GABRB1: variants seen among roughly 807,000 people sequenced by gnomAD.
GABRB1 encodes gamma-aminobutyric acid receptor subunit beta-1.
GABRB1 carries 17 observed loss-of-function variants against 51.6 expected under a neutral mutation model. The observed-to-expected ratio is 0.33, with a 90% CI of 0.23 to 0.49. The LOEUF (loss-of-function observed/expected upper bound fraction) is 0.49. GABRB1 is among the 20% of genes least tolerant of loss of function. The pLI is 0.99. For synonymous variants in GABRB1, 247 were observed against 218.9 expected, an observed-to-expected ratio of 1.13 and a Z score of -1.14; for missense variants, 410 against 600.6, an observed-to-expected ratio of 0.68 and a Z score of 3.32.
intron 5 of GABRB1, among the ~76,000 whole-genome samples, chr4:47,390,158 C>A (rs1560364787): frequency 6.6e-6 from 1 of 152,234 alleles, no homozygotes; most frequent in Non-Finnish European, 1.5e-5. Flanking sequence ...TATTGCCAAG[C>A]AACTAATTTG....
intron 4 of GABRB1, among the ~76,000 whole-genome samples, chr4:47,253,189 T>C (rs968952921): frequency 1.3e-5 from 2 of 152,142 alleles, no homozygotes; most frequent in Admixed American, 6.5e-5. Context: ...TATAAAGGAA[T>C]TGAGATAATG....
chr4:47,291,465 C>A lies in GABRB1; in HGVS notation c.462-28662C>A, dbSNP rs545368743. ...CACACAGAGTCCATATGGGGCACTG[C>A]CTAGTGAAGCTGTGAGAAGAGGGCC... On this transcript the variant is annotated intron_variant, in intron 4 of 8. Coordinates refer to ENST00000295454, the MANE Select transcript of GABRB1 (RefSeq NM_000812.4). Among the ~76,000 whole-genome samples, 39 of 152,280 alleles carry A rather than the reference C, an allele frequency of 2.6e-4. 1 individual carries two copies. In the South Asian group the frequency reaches 8.1e-3, roughly 32 times the overall value.
intron 4 of GABRB1, among the ~76,000 whole-genome samples, chr4:47,210,675 G>A (rs991959676): frequency 1.3e-4 from 20 of 151,020 alleles, no homozygotes; most frequent in African/African-American, 4.1e-4. Flanking sequence ...TGGCTGTATA[G>A]TATTCATTCA....
At chr4:47,305,818 G>T (rs1724446815) in intron 4 of GABRB1, among the ~76,000 whole-genome samples, 1 of 152,084 alleles carries the variant, frequency 6.6e-6, no homozygotes, top group African/African-American at 2.4e-5. Flanking sequence ...TACCTTTCCT[G>T]TTGTAACTCA....
chr4:47,013,143 G>GTA (rs1418167701), intron 1 of GABRB1, among the ~76,000 whole-genome samples: 1 of 151,484 alleles, frequency 6.6e-6, no homozygotes, highest in Non-Finnish European at 1.5e-5. Flanking sequence ...TGCATTCTGT[G>GTA]TGTGTGTGTG....
At chr4:47,173,152 A>G (rs567559345) in intron 4 of GABRB1, among the ~76,000 whole-genome samples, 31 of 152,304 alleles carry the variant, frequency 2.0e-4, no homozygotes, top group African/African-American at 6.3e-4. Flanking sequence ...AAAGTTGTAT[A>G]AAGTTGCTTA....
chr4:47,008,306 T>C (rs565996864), intron 1 of GABRB1, among the ~76,000 whole-genome samples: 3 of 152,182 alleles, frequency 2.0e-5, no homozygotes, highest in African/African-American at 7.2e-5. Context: ...ACCTAAAATA[T>C]ACATTTGAAA....
At chr4:47,299,116 G>A (rs1452766793) in intron 4 of GABRB1, among the ~76,000 whole-genome samples, 1 of 151,782 alleles carries the variant, frequency 6.6e-6, no homozygotes, top group East Asian at 1.9e-4. Context: ...TTAAATGTTA[G>A]ACCTAAAACC....
At chr4:47,147,547 G>A (rs756770517) in intron 3 of GABRB1, among the ~76,000 whole-genome samples, 1 of 152,072 alleles carries the variant, frequency 6.6e-6, no homozygotes, top group East Asian at 1.9e-4. Flanking sequence ...AGGTTCTAGT[G>A]GAGGAAATAA....
intron 3 of GABRB1, among the ~76,000 whole-genome samples, chr4:47,124,083 A>G (rs1426938031): frequency 6.7e-6 from 1 of 148,794 alleles, no homozygotes; most frequent in African/African-American, 2.5e-5. Context: ...GCAGTCATAA[A>G]GGCCTCAGAT....
chr4:47,110,394 T>C (rs1173427317), intron 3 of GABRB1, among the ~76,000 whole-genome samples: 1 of 152,230 alleles, frequency 6.6e-6, no homozygotes, highest in Non-Finnish European at 1.5e-5. Context: ...TATGCTATCT[T>C]TTCTTTTTGT....
intron 8 of GABRB1, among the ~76,000 whole-genome samples, 194 bp from the exon 9 acceptor site, chr4:47,425,480 T>TGATAGATAGATA (rs3138735): frequency 0.11 from 15,665 of 142,238 alleles, 962 homozygotes; most frequent in Middle Eastern, 0.15. Context: ...TGGATGATGA[T>TGATAGATAGATA]GATAGATAGA....
intron 1 of GABRB1, among the ~76,000 whole-genome samples, chr4:47,004,844 G>T (rs948413814): frequency 6.6e-6 from 1 of 152,146 alleles, no homozygotes; most frequent in African/African-American, 2.4e-5. Context: ...ATACTTCTAG[G>T]AAAAACAATA....
intron 4 of GABRB1, among the ~76,000 whole-genome samples, chr4:47,286,034 G>A (rs1238589672): frequency 6.6e-6 from 1 of 152,252 alleles, no homozygotes; most frequent in East Asian, 1.9e-4. Flanking sequence ...TCTCATTACT[G>A]GAAGAGAGAC....
chr4:47,242,465 G>A (rs1232705034), intron 4 of GABRB1, among the ~76,000 whole-genome samples: 2 of 152,200 alleles, frequency 1.3e-5, no homozygotes, highest in Admixed American at 6.5e-5. Flanking sequence ...TCACCACACT[G>A]TCTTCCACAA....
At chr4:47,422,207 AG>A in intron 8 of GABRB1, among the ~76,000 whole-genome samples, 1 of 152,326 alleles carries the variant, frequency 6.6e-6, no homozygotes, top group South Asian at 2.1e-4. Context: ...TTCTGAAGGT[AG>A]CCTGTTATCC....
upstream of GABRB1, among the ~76,000 whole-genome samples, chr4:47,031,129 T>G (rs562333297): frequency 1.1e-3 from 173 of 152,148 alleles, 1 homozygote; most frequent in African/African-American, 4.0e-3. Flanking sequence ...CTCTCCACTC[T>G]TCCCTGCTCC....
chr4:47,054,835 T>C (rs1264331658), intron 3 of GABRB1, among the ~76,000 whole-genome samples: 1 of 152,210 alleles, frequency 6.6e-6, no homozygotes, highest in Non-Finnish European at 1.5e-5. Flanking sequence ...TCCATCCACC[T>C]CAGCCTCCCA....
intron 3 of GABRB1, among the ~76,000 whole-genome samples, chr4:47,094,626 G>A (rs573159110): frequency 8.4e-4 from 128 of 152,214 alleles, no homozygotes; most frequent in South Asian, 2.7e-3. Flanking sequence ...AGGGTGGGAA[G>A]TGAGAGAGGA....
Sources: gnomAD v4.1 joint callset for allele counts (sites outside exome capture counted in the v4.1 genomes callset) on GRCh38, gnomAD v4.1.1 for gene constraint, MANE v1.5 for transcripts, NCBI Gene and HGNC (gene_info 2026-07-23, HGNC 2026-07-21) for gene names.